THUMPD3: variants seen among roughly 807,000 people sequenced by gnomAD.
THUMPD3 encodes the protein THUMP domain 3 tRNA guanosine methyltransferase.
In THUMPD3, 44 loss-of-function variants were observed where a neutral mutation model predicts 54.5. That is an observed-to-expected ratio of 0.81 (90% CI 0.63 to 1.04). The LOEUF (loss-of-function observed/expected upper bound fraction) is 1.04. Ranked by LOEUF, THUMPD3 falls within the 50% of genes least tolerant of loss-of-function variation. THUMPD3 has a pLI of 0.00. For missense variants in THUMPD3, 604 were observed against 601.3 expected (o/e 1.00, Z -0.05); for synonymous variants, 196 against 201.4 (o/e 0.97, Z 0.23).
At position 9,383,196 on chromosome 3, in the gene THUMPD3, C is replaced by T. The variant is rs2033054633; in HGVS notation, c.1125-3C>T. 2 of 1,610,434 alleles carry T rather than the reference C, an allele frequency of 1.2e-6. No individual in the cohort carries two copies. Among genetic ancestry groups the T allele is most frequent in the Non-Finnish European group, 1.7e-6 (2 of 1,176,862 alleles). On this transcript the variant is annotated splice_region_variant and splice_polypyrimidine_tract_variant and intron_variant, in intron 7 of 9. Coordinates refer to ENST00000452837, the MANE Select transcript of THUMPD3 (RefSeq NM_001114092.2). ...TTGAAGCACCTTTCCTTTGTCCCCA[C>T]AGCAAACCCTCCTGGGGCTTGCCCA...
At chr3:9,367,255 C>A (rs964329392) in intron 3 of THUMPD3, among the ~76,000 whole-genome samples, 10 of 152,210 alleles carry the variant, frequency 6.6e-5, no homozygotes, top group African/African-American at 2.2e-4. Context: ...ATTTGCTTTG[C>A]TTTTACATAT....
chr3:9,379,603 C>T (rs530152299), intron 6 of THUMPD3, among the ~76,000 whole-genome samples: 1 of 152,336 alleles, frequency 6.6e-6, no homozygotes, highest in East Asian at 1.9e-4. Flanking sequence ...TATTTATGTT[C>T]TGCTGACAGG....
At chr3:9,373,778 A>G (rs1254584527) in intron 4 of THUMPD3, among the ~76,000 whole-genome samples, 1 of 152,086 alleles carries the variant, frequency 6.6e-6, no homozygotes, top group Non-Finnish European at 1.5e-5. Context: ...CAGTGGTGCA[A>G]TCATGGCTCA....
At chr3:9,375,206 G>A (rs1197208559) in intron 5 of THUMPD3, among the ~76,000 whole-genome samples, 1 of 152,140 alleles carries the variant, frequency 6.6e-6, no homozygotes, top group African/African-American at 2.4e-5. Flanking sequence ...TCTTGAATGA[G>A]GTTACCACAT....
rs966584279 is a variant in THUMPD3, at chr3:9,365,816, T to C, written c.252+496T>C. 1.3e-5 allele frequency among the ~76,000 whole-genome samples: 2 copies of C among 152,138 alleles called. 1 individual carries two copies. Among genetic ancestry groups the C allele is most frequent in the Admixed American group, 1.3e-4 (2 of 15,278 alleles). ...CATCCTGGCCAGGCTGGTCTCGAAC[T>C]CCTAACCCCGTGATCCACCCGCCTC... is the stretch of plus-strand genomic sequence containing the variant. On this transcript the variant is annotated intron_variant, in intron 2 of 9. Transcript: ENST00000452837.
intron 2 of THUMPD3, among the ~76,000 whole-genome samples, chr3:9,365,537 G>A (rs2031484921): frequency 6.6e-6 from 1 of 151,758 alleles, no homozygotes; most frequent in Admixed American, 6.6e-5. Flanking sequence ...ATTTTTGGAG[G>A]GGGGTGGGGG....
In THUMPD3 at chr3:9,369,330, A is replaced by AAG. The variant is rs1553588423; in HGVS notation, c.331-1729_331-1728insGA. On this transcript the variant is annotated intron_variant, in intron 3 of 9. Transcript: ENST00000452837. ...GTCTCAAAAAAAAAAAAAAAAAAAAAAAAGAAAGAAATACTCTGAGGGTGG... is the reference window on the plus strand; with the variant it reads ...GTCTCAAAAAAAAAAAAAAAAAAAAAAGAAAGAAAGAAATACTCTGAGGGTGG... 3.3e-5 allele frequency among the ~76,000 whole-genome samples: 5 copies of AAG among 151,180 alleles called. No homozygotes were observed. The East Asian group carries it at 5.8e-4, about 18-fold the overall frequency.
Position 9,365,025 on chromosome 3 carries a change from G to C in THUMPD3, c.-44G>C. ...TCTTTTTCTTTTAAAGGACAGTACT[G>C]CTTTTAAAGAGACAGTGTTAGGGAT... On this transcript the variant is annotated 5_prime_UTR_variant, in exon 2 of 10. Coordinates refer to ENST00000452837, the MANE Select transcript of THUMPD3 (RefSeq NM_001114092.2). 1 of 1,594,308 alleles carries C rather than the reference G, an allele frequency of 6.3e-7. No individual in the cohort carries two copies. The highest frequency in any genetic ancestry group is 1.1e-5 in the South Asian group (1 of 87,886).
In THUMPD3 at chr3:9,377,853, G is replaced by A. The variant is rs371115859; in HGVS notation, c.973G>A (p.Asp325Asn). 16 of 1,613,270 alleles carry A rather than the reference G, an allele frequency of 9.9e-6. No homozygotes were observed. The highest frequency in any genetic ancestry group is 3.3e-5 in the Admixed American group (2 of 59,962). The change falls in exon 6 of 10, where the codon GAT becomes AAT. Residue 325 changes from aspartate (D) to asparagine (N), a missense_variant. Physicochemically the swap from Asp to Asn is conservative, Grantham distance 23. Coordinates refer to ENST00000452837, the MANE Select transcript of THUMPD3 (RefSeq NM_001114092.2). Reference protein sequence around the residue: ...CDPLPYDIIVDPMCGTGAIPI... With the variant: ...CDPLPYDIIVNPMCGTGAIPI... ...TCCTCTACCTTATGATATAATAGTC[G>A]ATCCAATGTGTGGAACTGGGGCAAT... is the stretch of plus-strand genomic sequence containing the variant.
In THUMPD3 at chr3:9,383,314, G is replaced by C; in HGVS notation, c.1235+5G>C. The C allele has an allele frequency of 1.3e-6, 2 of 1,573,088 alleles. No individual in the cohort carries two copies. Among genetic ancestry groups the C allele is most frequent in the Non-Finnish European group, 1.8e-6 (2 of 1,142,774 alleles). ...AGATTTGCCATTTGGAAAAAGGTGA[G>C]AAATACTAGTACCTGCTTGTCTTCT... On this transcript the variant is annotated splice_donor_5th_base_variant and intron_variant, in intron 8 of 9. Transcript: ENST00000452837.
intron 5 of THUMPD3, among the ~76,000 whole-genome samples, chr3:9,376,034 A>C (rs558009403): frequency 6.6e-6 from 1 of 152,352 alleles, no homozygotes; most frequent in East Asian, 1.9e-4. Flanking sequence ...CCATTTGATA[A>C]AGGAAAATCT....
intron 6 of THUMPD3, among the ~76,000 whole-genome samples, chr3:9,379,152 T>C (rs1274386390): frequency 6.6e-6 from 1 of 151,884 alleles, no homozygotes; most frequent in East Asian, 1.9e-4. Flanking sequence ...TTTTTTTTAA[T>C]TTAGAAGTGT....
chr3:9,384,698 ATAGTACTTGTAC>A lies in THUMPD3; in HGVS notation c.*12_*23del. The A allele has an allele frequency of 6.2e-7, 1 of 1,614,052 alleles. No individual in the cohort carries two copies. The highest frequency in any genetic ancestry group is 8.5e-7 in the Non-Finnish European group (1 of 1,179,938). ...GCAATGCAAAGAATGAAGATGACTA[ATAGTACTTGTAC>A]TTCCCACCACTGGAAATGTTAGCAT... On this transcript the variant is annotated 3_prime_UTR_variant, in exon 10 of 10. Coordinates refer to ENST00000452837, the MANE Select transcript of THUMPD3 (RefSeq NM_001114092.2).
At chr3:9,370,939 CT>C in intron 3 of THUMPD3, 120 bp from the exon 4 acceptor site, 1 of 832,850 alleles carries the variant, frequency 1.2e-6, no homozygotes, top group East Asian at 2.5e-5. Flanking sequence ...GTTTTGGTGT[CT>C]TTGGCGGTCC....
chr3:9,371,940 G>A (rs989165154), intron 4 of THUMPD3, among the ~76,000 whole-genome samples: 8 of 152,290 alleles, frequency 5.3e-5, no homozygotes, highest in African/African-American at 1.4e-4. Context: ...GCAGTGGTAC[G>A]ATCTCAGCTC....
chr3:9,375,012 G>A (rs1321824545), intron 5 of THUMPD3, among the ~76,000 whole-genome samples: 4 of 152,040 alleles, frequency 2.6e-5, no homozygotes, highest in Non-Finnish European at 4.4e-5. Context: ...CTGCCACCAC[G>A]CCCAGATAAT....
chr3:9,383,549 C>T (rs1032933609), intron 8 of THUMPD3, among the ~76,000 whole-genome samples: 2 of 152,072 alleles, frequency 1.3e-5, no homozygotes, highest in African/African-American at 2.4e-5. Context: ...ACTTTCTAGC[C>T]CATTCTTGAA....
In THUMPD3 at chr3:9,386,780, C is replaced by G. The variant is rs2033355969; in HGVS notation, c.*2092C>G. The G allele has an allele frequency of 6.6e-6, 1 of 152,016 alleles. No individual in the cohort carries two copies. The highest frequency in any genetic ancestry group is 2.4e-5 in the African/African-American group (1 of 41,360). The allele number at this position is 152,016 out of a possible 1,614,324, so 9.4% of individuals were successfully genotyped here. Reference sequence around the variant, plus strand: ...AAAGATGGGGAAATAAATCTGTAATCTGAACATGGAATGACTTAGTTACAG... The same window carrying G: ...AAAGATGGGGAAATAAATCTGTAATGTGAACATGGAATGACTTAGTTACAG... On this transcript the variant is annotated 3_prime_UTR_variant, in exon 10 of 10. Coordinates refer to ENST00000452837, the MANE Select transcript of THUMPD3 (RefSeq NM_001114092.2).
chr3:9,369,193 C>G (rs2031815959), intron 3 of THUMPD3, among the ~76,000 whole-genome samples: 1 of 150,696 alleles, frequency 6.6e-6, no homozygotes, highest in African/African-American at 2.4e-5. Context: ...TTCTGTAATT[C>G]CAGCTACTCG....
Sources: allele counts gnomAD v4.1 joint callset (sites outside exome capture counted in the v4.1 genomes callset), GRCh38; gene constraint gnomAD v4.1.1; transcripts MANE v1.5; gene names NCBI Gene and HGNC (gene_info 2026-07-23, HGNC 2026-07-21).